HDAC4: variants seen among roughly 807,000 people sequenced by gnomAD.
HDAC4 encodes histone deacetylase 4.
Under a neutral mutation model 135.1 loss-of-function variants are expected in HDAC4, and 16 were observed. The ratio of observed to expected loss-of-function variants is 0.12; its 90% CI spans 0.08 to 0.18. The LOEUF is 0.18. Among genes scored for constraint, HDAC4 ranks in the 10% least tolerant of loss-of-function variants. The pLI is 1.00. For missense variants in HDAC4, 1,143 were observed against 1,511.8 expected (o/e 0.76, Z 4.05); for synonymous variants, 685 against 653.4 (o/e 1.05, Z -0.74).
intron 1 of HDAC4, among the ~76,000 whole-genome samples, chr2:239,392,768 G>A (rs1478125109): frequency 6.6e-6 from 1 of 152,190 alleles, no homozygotes; most frequent in Admixed American, 6.5e-5. Flanking sequence ...TGAGGCTCAG[G>A]GGCCCTTGGC....
intron 1 of HDAC4, among the ~76,000 whole-genome samples, chr2:239,398,283 G>A (rs1696701076): frequency 1.3e-5 from 2 of 152,236 alleles, no homozygotes; most frequent in African/African-American, 4.8e-5. Context: ...CTACAGGAGT[G>A]ATGAAATGTT....
At chr2:239,296,216 C>G (rs2125566366) in intron 2 of HDAC4, among the ~76,000 whole-genome samples, 1 of 152,340 alleles carries the variant, frequency 6.6e-6, no homozygotes, top group South Asian at 2.1e-4. Flanking sequence ...AGCACACACA[C>G]ACACGCACAT....
intron 1 of HDAC4, among the ~76,000 whole-genome samples, chr2:239,364,461 A>T (rs975348413): frequency 5.9e-5 from 9 of 152,170 alleles, no homozygotes; most frequent in African/African-American, 1.9e-4. Context: ...GTGTGCATAA[A>T]ATGTGAAAAC....
intron 4 of HDAC4, among the ~76,000 whole-genome samples, chr2:239,185,043 C>T (rs1243607059): frequency 9.0e-5 from 13 of 145,228 alleles, no homozygotes; most frequent in African/African-American, 2.8e-4. Context: ...TGGGGGGGGT[C>T]CCTCAGTGCC....
chr2:239,246,375 C>T (rs1222829456), intron 2 of HDAC4, among the ~76,000 whole-genome samples: 2 of 152,294 alleles, frequency 1.3e-5, no homozygotes, highest in East Asian at 1.9e-4. Flanking sequence ...GGAGAAGCAC[C>T]GGGGTTGCTG....
chr2:239,110,759 CTG>C (rs1174925217), intron 14 of HDAC4, among the ~76,000 whole-genome samples: 1 of 152,256 alleles, frequency 6.6e-6, no homozygotes, highest in Non-Finnish European at 1.5e-5. Flanking sequence ...GCTCCTGCCT[CTG>C]TGCTTGTCTC....
chr2:239,162,534 C>T (rs971705288), intron 6 of HDAC4, among the ~76,000 whole-genome samples: 3 of 152,222 alleles, frequency 2.0e-5, no homozygotes, highest in Non-Finnish European at 4.4e-5. Context: ...GGGGTCTCCC[C>T]CAAAGCGGGC....
At position 239,075,843 on chromosome 2, in the gene HDAC4, A is replaced by T. The variant is rs538166367; in HGVS notation, c.2750+5252T>A. On this transcript the variant is annotated intron_variant, in intron 22 of 26. Coordinates refer to ENST00000543185, the MANE Select transcript of HDAC4 (RefSeq NM_001378414.1). ...CTGGGACAGCAGACAGGTGCCAGCC[A>T]CTCCCCTTGGTTTCCCGGGAAACAA... Among the ~76,000 whole-genome samples, 150 of 151,486 alleles carry T rather than the reference A, an allele frequency of 9.9e-4. 1 individual carries two copies. The highest frequency in any genetic ancestry group is 1.7e-3 in the Non-Finnish European group (112 of 67,838).
At chr2:239,134,751 G>A in intron 9 of HDAC4, 108 bp from the exon 10 acceptor site, 1 of 814,764 alleles carries the variant, frequency 1.2e-6, no homozygotes, top group Non-Finnish European at 2.2e-6. Context: ...TCTGATATAT[G>A]AGCGTAAACG....
rs1239508413 is a variant in HDAC4, at chr2:239,307,951, G to A, written c.22+44727C>T. 6.6e-6 allele frequency among the ~76,000 whole-genome samples: 1 copy of A among 152,132 alleles called. No individual in the cohort carries two copies. Among genetic ancestry groups the A allele is most frequent in the African/African-American group, 2.4e-5 (1 of 41,430 alleles). On this transcript the variant is annotated intron_variant, in intron 2 of 26. Transcript: ENST00000543185. The surrounding 1 kb of genome is among the most constrained non-coding windows in gnomAD (Gnocchi z 4.8). ...TGAAAACGGAACACAAGGCCCGGCA[G>A]CAACAGCCAGCAAAGTGTCCCCATC...
rs1691589640 is a variant in HDAC4, at chr2:239,331,768, G to C, written c.22+20910C>G. 6.6e-6 allele frequency among the ~76,000 whole-genome samples: 1 copy of C among 152,178 alleles called. No homozygotes were observed. Among genetic ancestry groups the C allele is most frequent in the Non-Finnish European group, 1.5e-5 (1 of 68,030 alleles). On this transcript the variant is annotated intron_variant, in intron 2 of 26. Transcript: ENST00000543185. The surrounding 1 kb of genome is among the most constrained non-coding windows in gnomAD (Gnocchi z 4.5). ...TCTAAAACACGGCGATGCACGAGGA[G>C]CCCAGGCCTGGGAGAGAAGGGAGGT...
At chr2:239,385,549 C>T (rs1695738256) in intron 1 of HDAC4, among the ~76,000 whole-genome samples, 1 of 152,214 alleles carries the variant, frequency 6.6e-6, no homozygotes, top group Admixed American at 6.5e-5. Flanking sequence ...CAGCCTCAAG[C>T]CCCCTGCCTG....
rs181961445 is a variant in HDAC4, at chr2:239,163,219, G to A, written c.611+584C>T. ...TAGTATAAAATAATAGAAGTACCAC[G>A]GGGGCTTCCTGACTAGCCTAAGAAT... On this transcript the variant is annotated intron_variant, in intron 6 of 26. Coordinates refer to ENST00000543185, the MANE Select transcript of HDAC4 (RefSeq NM_001378414.1). 2.8e-3 allele frequency among the ~76,000 whole-genome samples: 433 copies of A among 152,278 alleles called. 4 individuals are homozygous for A. Among genetic ancestry groups the A allele is most frequent in the African/African-American group, 9.8e-3 (408 of 41,564 alleles).
intron 2 of HDAC4, among the ~76,000 whole-genome samples, chr2:239,246,889 G>A (rs891143884): frequency 3.3e-5 from 5 of 152,240 alleles, no homozygotes; most frequent in Non-Finnish European, 5.9e-5. Flanking sequence ...ATGTGGGTGC[G>A]TCACTGCACA....
intron 4 of HDAC4, among the ~76,000 whole-genome samples, chr2:239,189,346 C>A (rs1376816306): frequency 6.6e-6 from 1 of 151,664 alleles, no homozygotes; most frequent in Admixed American, 6.6e-5. Context: ...ACAGTAAGTA[C>A]CAAAAAAAGT....
chr2:239,101,857 C>T (rs1256900750), intron 16 of HDAC4, among the ~76,000 whole-genome samples: 1 of 151,202 alleles, frequency 6.6e-6, no homozygotes, highest in African/African-American at 2.4e-5. Context: ...GGTCCGGGTT[C>T]TGTGCCCTGG....
rs2125717449 is a variant in HDAC4, at chr2:239,313,578, C to T, written c.22+39100G>A. ...CACTTCGCAAACACAGCTGGTCAGG[C>T]CCTTAGCACCTCCTGACCCCCCGAT... On this transcript the variant is annotated intron_variant, in intron 2 of 26. Transcript: ENST00000543185. The surrounding 1 kb of genome is among the most constrained non-coding windows in gnomAD (Gnocchi z 5.1). 6.6e-6 allele frequency among the ~76,000 whole-genome samples: 1 copy of T among 152,238 alleles called. No homozygotes were observed. The highest frequency in any genetic ancestry group is 1.9e-4 in the East Asian group (1 of 5,160).
chr2:239,148,830 G>C lies in HDAC4; in HGVS notation c.734-4116C>G, dbSNP rs1441768223. 1.2e-4 allele frequency among the ~76,000 whole-genome samples: 19 copies of C among 152,354 alleles called. No homozygotes were observed. The East Asian group carries it at 3.5e-3, about 28-fold the overall frequency. ...CCGGGCAGTGGGGCCAGAAGCACCA[G>C]GCGGCCTGCTGTGCAGAGGAGGGTC... On this transcript the variant is annotated intron_variant, in intron 7 of 26. Coordinates refer to ENST00000543185, the MANE Select transcript of HDAC4 (RefSeq NM_001378414.1).
At chr2:239,280,209 T>A (rs2050624659) in intron 2 of HDAC4, among the ~76,000 whole-genome samples, 1 of 151,998 alleles carries the variant, frequency 6.6e-6, no homozygotes, top group Admixed American at 6.5e-5. Flanking sequence ...CTACCTTATA[T>A]TCTCTCGTTT....
Sources: gnomAD v4.1 joint callset for allele counts (sites outside exome capture counted in the v4.1 genomes callset) on GRCh38, gnomAD v4.1.1 for gene constraint, Gnocchi (gnomAD v3.1) non-coding constraint, MANE v1.5 for transcripts, NCBI Gene and HGNC (gene_info 2026-07-23, HGNC 2026-07-21) for gene names.